Variants in MYO5B observed in about 807,000 individuals in gnomAD.
MYO5B encodes unconventional myosin-Vb.
MYO5B carries 143 observed loss-of-function variants against 229.3 expected under a neutral mutation model. That is an observed-to-expected ratio of 0.62 (90% CI 0.54 to 0.72). MYO5B has a LOEUF of 0.72. MYO5B is among the 30% of genes least tolerant of loss of function. The pLI, the probability that MYO5B is intolerant of heterozygous loss-of-function variation, is 0.00. For missense variants in MYO5B, 2,321 were observed against 2,331.0 expected (o/e 1.00, Z 0.09); for synonymous variants, 918 against 885.2 (o/e 1.04, Z -0.66).
At chr18:49,884,999 T>C (rs2024627541) in intron 22 of MYO5B, among the ~76,000 whole-genome samples, 1 of 152,094 alleles carries the variant, frequency 6.6e-6, no homozygotes, top group Admixed American at 6.5e-5. Flanking sequence ...GGTGAGAATA[T>C]GAAGAAATCA....
At chr18:49,923,653 G>A (rs1230050800) in intron 17 of MYO5B, among the ~76,000 whole-genome samples, 1 of 152,142 alleles carries the variant, frequency 6.6e-6, no homozygotes, top group Non-Finnish European at 1.5e-5. Context: ...CATGGTCTAT[G>A]GTTAACCACG....
chr18:49,933,558 A>G (rs1294497603), intron 16 of MYO5B, among the ~76,000 whole-genome samples: 1 of 152,222 alleles, frequency 6.6e-6, no homozygotes, highest in Non-Finnish European at 1.5e-5. Context: ...ACTGGAGGCA[A>G]TTTTGTCCCC....
chr18:49,904,617 G>C, intron 20 of MYO5B, 55 bp downstream of exon 20: 4 of 1,609,922 alleles, frequency 2.5e-6, no homozygotes, highest in Non-Finnish European at 2.5e-6. Context: ...TAATTCATCT[G>C]TTGCCACTTT....
Position 49,894,977 on chromosome 18 carries a change from C to G in MYO5B, c.3009G>C (p.Glu1003Asp). ...CATCTTTCTCCCTGCTGTGGGCGTC[C>G]TCCAAGATCTTGCGCTCCGAGTGGG... ...QRAHSERKIL[E>D]DAHSREKDEL... The change falls in exon 22 of 40, where the codon GAG becomes GAC. Residue 1003 changes from glutamate (E) to aspartate (D), a missense_variant. By Grantham distance (45) the Glu-to-Asp change is conservative (BLOSUM62 2). Coordinates refer to ENST00000285039, the MANE Select transcript of MYO5B (RefSeq NM_001080467.3). 2 of 1,613,664 alleles carry G rather than the reference C, an allele frequency of 1.2e-6. No homozygotes were observed. The highest frequency in any genetic ancestry group is 1.7e-6 in the Non-Finnish European group (2 of 1,180,044).
At chr18:50,091,956 T>TGTG (rs2031457075) in intron 1 of MYO5B, among the ~76,000 whole-genome samples, 1 of 152,184 alleles carries the variant, frequency 6.6e-6, no homozygotes, top group South Asian at 2.1e-4. Flanking sequence ...CAAATGTGAT[T>TGTG]AGTCAGGGCA....
intron 17 of MYO5B, among the ~76,000 whole-genome samples, chr18:49,915,213 A>G (rs984240802): frequency 1.3e-5 from 2 of 152,174 alleles, no homozygotes; most frequent in Non-Finnish European, 2.9e-5. Flanking sequence ...CATAATGTAA[A>G]ATATACCCCT....
rs75025196 is a variant in MYO5B, at chr18:49,954,085, T to C, written c.1668+228A>G. On this transcript the variant is annotated intron_variant, in intron 13 of 39. Transcript: ENST00000285039. ...GTGTGTGTGTGTATTCATATATATA[T>C]ATGAATGACTGGGCAACTATAGTAC... Among the ~76,000 whole-genome samples, 976 of 151,082 alleles carry C rather than the reference T, an allele frequency of 6.5e-3. 5 individuals are homozygous for C. Among genetic ancestry groups the C allele is most frequent in the Non-Finnish European group, 8.2e-3 (553 of 67,810 alleles).
intron 10 of MYO5B, among the ~76,000 whole-genome samples, chr18:49,972,012 C>T (rs914834024): frequency 6.6e-6 from 1 of 152,174 alleles, no homozygotes; most frequent in African/African-American, 2.4e-5. Flanking sequence ...TGGCCTTATG[C>T]TGATGGCCCT....
chr18:50,160,929 C>T (rs990267879), intron 1 of MYO5B, among the ~76,000 whole-genome samples: 16 of 152,246 alleles, frequency 1.1e-4, no homozygotes, highest in African/African-American at 3.6e-4. Context: ...TCAGAAAAGC[C>T]CTGAAACACT....
intron 4 of MYO5B, among the ~76,000 whole-genome samples, chr18:50,019,801 C>T (rs1454638818): frequency 2.6e-5 from 4 of 152,286 alleles, no homozygotes; most frequent in African/African-American, 2.4e-5. Context: ...ACTCAAATTT[C>T]GTCTGCTTTA....
intron 1 of MYO5B, among the ~76,000 whole-genome samples, chr18:50,177,965 A>C (rs1388840208): frequency 6.6e-6 from 1 of 152,184 alleles, no homozygotes; most frequent in Non-Finnish European, 1.5e-5. Flanking sequence ...ATATTGTTAA[A>C]TACCTCCTTG....
At chr18:49,929,898 A>T (rs903042319) in intron 16 of MYO5B, among the ~76,000 whole-genome samples, 4 of 151,302 alleles carry the variant, frequency 2.6e-5, no homozygotes, top group Non-Finnish European at 5.9e-5. Context: ...CCCACCCTCC[A>T]AGACTCATCA....
intron 1 of MYO5B, among the ~76,000 whole-genome samples, chr18:50,119,493 A>C (rs932625386): frequency 2.6e-5 from 4 of 152,170 alleles, no homozygotes; most frequent in African/African-American, 4.8e-5. Flanking sequence ...TTTTCTGTTC[A>C]ATGATCTATC....
At chr18:50,058,647 C>T (rs2030611306) in intron 1 of MYO5B, among the ~76,000 whole-genome samples, 1 of 152,078 alleles carries the variant, frequency 6.6e-6, no homozygotes, top group African/African-American at 2.4e-5. Flanking sequence ...CCTGTCTCTA[C>T]TAAAATTACA....
chr18:50,015,491 C>G (rs2026206641), intron 4 of MYO5B, among the ~76,000 whole-genome samples: 1 of 152,120 alleles, frequency 6.6e-6, no homozygotes, highest in African/African-American at 2.4e-5. Flanking sequence ...TAAGAAGTCC[C>G]TTAACATTTG....
At chr18:50,136,122 C>T (rs1018601833) in intron 1 of MYO5B, among the ~76,000 whole-genome samples, 4 of 152,126 alleles carry the variant, frequency 2.6e-5, no homozygotes, top group Admixed American at 2.6e-4. Flanking sequence ...AGCTCTGTGG[C>T]CTCACATGGC....
At chr18:49,985,658 C>T (rs2025862790) in intron 7 of MYO5B, among the ~76,000 whole-genome samples, 1 of 152,158 alleles carries the variant, frequency 6.6e-6, no homozygotes, top group Non-Finnish European at 1.5e-5. Flanking sequence ...CTGCCTGGTA[C>T]TATCCTGCCT....
At chr18:50,032,528 G>A (rs2026401179) in intron 4 of MYO5B, among the ~76,000 whole-genome samples, 1 of 152,190 alleles carries the variant, frequency 6.6e-6, no homozygotes, top group African/African-American at 2.4e-5. Context: ...CAATGTGGTA[G>A]CATGTATCAG....
At chr18:49,872,374 C>T in intron 26 of MYO5B, 142 bp from the exon 27 acceptor site, 1 of 820,480 alleles carries the variant, frequency 1.2e-6, no homozygotes, top group Non-Finnish European at 2.1e-6. Flanking sequence ...CACTTCCTTC[C>T]CACCTTCAAA....
Sources: gnomAD v4.1 joint callset for allele counts (sites outside exome capture counted in the v4.1 genomes callset) on GRCh38, gnomAD v4.1.1 for gene constraint, MANE v1.5 for transcripts, NCBI Gene and HGNC (gene_info 2026-07-23, HGNC 2026-07-21) for gene names.